Variants in CCDC91 observed in about 807,000 individuals in gnomAD.
CCDC91 encodes coiled-coil domain-containing protein 91.
CCDC91 carries 48 observed loss-of-function variants against 63.2 expected under a neutral mutation model. That is an observed-to-expected ratio of 0.76 (90% CI 0.60 to 0.97). The LOEUF is 0.97. Ranked by LOEUF, CCDC91 falls within the 50% of genes least tolerant of loss-of-function variation. The pLI, the probability that CCDC91 is intolerant of heterozygous loss-of-function variation, is 0.00. For missense variants in CCDC91, 500 were observed against 494.6 expected, an observed-to-expected ratio of 1.01 and a Z score of -0.10; for synonymous variants, 167 against 165.8, an observed-to-expected ratio of 1.01 and a Z score of -0.06.
intron 6 of CCDC91, among the ~76,000 whole-genome samples, chr12:28,361,637 G>A (rs1243454703): frequency 6.6e-6 from 1 of 150,964 alleles, no homozygotes; most frequent in East Asian, 1.9e-4. Flanking sequence ...ATCTGATTAT[G>A]TCATCTATTG....
intron 1 of CCDC91, among the ~76,000 whole-genome samples, chr12:28,227,273 T>C (rs10843140): frequency 0.21 from 31,258 of 152,072 alleles, 4,209 homozygotes; most frequent in Non-Finnish European, 0.3. Context: ...TGGGGAGTTA[T>C]TTTCCACCTT....
Position 28,450,348 on chromosome 12 carries a change from A to C in CCDC91, c.856-2A>C. On this transcript the variant is annotated splice_acceptor_variant, in intron 9 of 12. Transcript: ENST00000536442. LOFTEE classifies it high-confidence loss of function. ...CTTTCCAACTGTTTTATCATTTGAC[A>C]GGAAATATTGGAAAAGTGTTTGGAG... 6.2e-7 allele frequency: 1 copy of C among 1,611,070 alleles called. No individual in the cohort carries two copies. The highest frequency in any genetic ancestry group is 8.5e-7 in the Non-Finnish European group (1 of 1,177,572).
intron 8 of CCDC91, among the ~76,000 whole-genome samples, chr12:28,404,808 G>A (rs1451253431): frequency 6.6e-6 from 1 of 151,942 alleles, no homozygotes; most frequent in Non-Finnish European, 1.5e-5. Flanking sequence ...ATAGCTACAT[G>A]TGTTTCTTTT....
intron 6 of CCDC91, among the ~76,000 whole-genome samples, chr12:28,316,750 TTC>T (rs1016557222): frequency 4.6e-5 from 7 of 151,722 alleles, no homozygotes; most frequent in Non-Finnish European, 1.0e-4. Context: ...CATTTTAAAA[TTC>T]TGTGTTTTTG....
intron 6 of CCDC91, among the ~76,000 whole-genome samples, chr12:28,327,525 A>G (rs370982826): frequency 7.2e-5 from 11 of 152,100 alleles, no homozygotes; most frequent in Non-Finnish European, 1.5e-4. Context: ...TTTGGGCCCT[A>G]TGTAAATCAG....
At chr12:28,279,946 C>T (rs1241386069) in intron 3 of CCDC91, among the ~76,000 whole-genome samples, 3 of 152,052 alleles carry the variant, frequency 2.0e-5, no homozygotes, top group Non-Finnish European at 4.4e-5. Flanking sequence ...AATATGATAA[C>T]ATCATATCTA....
intron 6 of CCDC91, among the ~76,000 whole-genome samples, chr12:28,348,060 G>A (rs1942933602): frequency 6.6e-6 from 1 of 152,188 alleles, no homozygotes; most frequent in African/African-American, 2.4e-5. Flanking sequence ...ACTCTAAGGA[G>A]GCCATCTCTC....
intron 3 of CCDC91, among the ~76,000 whole-genome samples, chr12:28,281,367 A>G (rs1289888388): frequency 6.6e-5 from 10 of 152,170 alleles, no homozygotes; most frequent in Admixed American, 6.6e-4. Context: ...GTTAGAACCC[A>G]TAGGCACAGG....
chr12:28,235,653 T>TA (rs1944898309), intron 1 of CCDC91, among the ~76,000 whole-genome samples: 2 of 152,024 alleles, frequency 1.3e-5, no homozygotes, highest in South Asian at 4.1e-4. Context: ...GAATTTGAGT[T>TA]ACAATCTTCT....
intron 6 of CCDC91, among the ~76,000 whole-genome samples, chr12:28,350,593 A>G (rs1943116128): frequency 1.3e-5 from 2 of 152,248 alleles, no homozygotes; most frequent in Non-Finnish European, 2.9e-5. Context: ...TAGGGCTGCT[A>G]TAACAAATTA....
In CCDC91 at chr12:28,201,102, G is replaced by A. The variant is rs879037522; in HGVS notation, c.-15+10461G>A. ...AGGGCAGAGGCGCCCCTCACCTCCC[G>A]GACGGGGCGGCTGGCCGGGCGGGGG... On this transcript the variant is annotated intron_variant, in intron 1 of 12. Coordinates refer to ENST00000536442, the MANE Select transcript of CCDC91 (RefSeq NM_018318.5). Among the ~76,000 whole-genome samples the A allele has an allele frequency of 4.3e-5, 6 of 140,938 alleles. No individual in the cohort carries two copies. In the South Asian group the frequency reaches 7.0e-4, roughly 16 times the overall value. 92.5% of individuals were successfully genotyped at this position (140,938 alleles called of 152,430 possible). A position where few individuals can be genotyped will look rare whatever the true frequency, so the allele number is the denominator to read the frequency against.
chr12:28,233,962 G>GT (rs1329183056), intron 1 of CCDC91, among the ~76,000 whole-genome samples: 1 of 151,976 alleles, frequency 6.6e-6, no homozygotes. Context: ...ATTTTAAAGT[G>GT]TACAGTTCAG....
rs181954942 is a variant in CCDC91 at position 28,514,629 on chromosome 12, T to C, written c.1215+30464T>C. Among the ~76,000 whole-genome samples, 274 of 152,114 alleles carry C rather than the reference T, an allele frequency of 1.8e-3. 1 individual carries two copies. Among genetic ancestry groups the C allele is most frequent in the Non-Finnish European group, 3.1e-4 (21 of 67,964 alleles). On this transcript the variant is annotated intron_variant, in intron 12 of 12. Coordinates refer to ENST00000536442, the MANE Select transcript of CCDC91 (RefSeq NM_018318.5). ...GGTTTTTAAAGTTTTGAGTTTTACA[T>C]TTAAGTCTTTAATGCATCTTGAGTT...
chr12:28,391,267 T>C, intron 7 of CCDC91, 37 bp from the exon 8 acceptor site: 4 of 1,283,678 alleles, frequency 3.1e-6, no homozygotes, highest in Non-Finnish European at 4.5e-6. Flanking sequence ...TCCCAAGTTT[T>C]GTCTGTGATC....
chr12:28,534,376 A>T (rs1941984478), intron 12 of CCDC91, among the ~76,000 whole-genome samples: 1 of 152,186 alleles, frequency 6.6e-6, no homozygotes, highest in African/African-American at 2.4e-5. Flanking sequence ...AATGGCCATG[A>T]CAGGTCATTG....
intron 3 of CCDC91, among the ~76,000 whole-genome samples, chr12:28,280,230 T>C (rs989110906): frequency 6.6e-6 from 1 of 152,194 alleles, no homozygotes; most frequent in Non-Finnish European, 1.5e-5. Flanking sequence ...TAGAACTTTT[T>C]AATAATCTTA....
chr12:28,212,549 A>G (rs563897441), intron 1 of CCDC91, among the ~76,000 whole-genome samples: 4 of 152,286 alleles, frequency 2.6e-5, no homozygotes, highest in Non-Finnish European at 5.9e-5. Context: ...AGTCTTGTCA[A>G]CCTATTAAGA....
At chr12:28,335,148 T>A (rs1271116572) in intron 6 of CCDC91, among the ~76,000 whole-genome samples, 1 of 141,200 alleles carries the variant, frequency 7.1e-6, no homozygotes, top group East Asian at 2.0e-4. Flanking sequence ...TTATATATAT[T>A]TATAACATAT....
At chr12:28,235,800 TA>T (rs753292056) in intron 1 of CCDC91, among the ~76,000 whole-genome samples, 20 of 151,782 alleles carry the variant, frequency 1.3e-4, no homozygotes, top group African/African-American at 4.9e-5. Context: ...CATTTATAAG[TA>T]TTTTTTTTTT....
Sources: allele counts gnomAD v4.1 joint callset (sites outside exome capture counted in the v4.1 genomes callset), GRCh38; gene constraint gnomAD v4.1.1; transcripts MANE v1.5; gene names NCBI Gene and HGNC (gene_info 2026-07-23, HGNC 2026-07-21).